The following LRRC4C variants were observed in gnomAD, a reference collection of about 807,000 sequenced individuals.
The protein encoded by LRRC4C is leucine rich repeat containing 4C.
Under a neutral mutation model 33.6 loss-of-function variants are expected in LRRC4C, and 5 were observed. The observed-to-expected ratio is 0.15, with a 90% confidence interval of 0.08 to 0.31. LRRC4C has a LOEUF of 0.31. LRRC4C is among the 10% of genes least tolerant of loss of function. The pLI, the probability that LRRC4C is intolerant of heterozygous loss-of-function variation, is 1.00. For synonymous variants in LRRC4C, 329 were observed against 302.0 expected (o/e 1.09, Z -0.93); for missense variants, 560 against 796.7 (o/e 0.70, Z 3.58).
At chr11:41,076,093 G>A (rs761271426) in intron 1 of LRRC4C, among the ~76,000 whole-genome samples, 3 of 151,962 alleles carry the variant, frequency 2.0e-5, no homozygotes, top group Admixed American at 6.6e-5. Flanking sequence ...AGATGATCTC[G>A]TCCAATCTCA....
At chr11:40,947,681 C>T (rs1370554991) in intron 1 of LRRC4C, among the ~76,000 whole-genome samples, 1 of 151,956 alleles carries the variant, frequency 6.6e-6, no homozygotes, top group East Asian at 1.9e-4. Flanking sequence ...GAGTGCTCTT[C>T]TCTCATTCTC....
Position 41,001,005 on chromosome 11 carries a change from C to T in LRRC4C, c.-495-67282G>A, listed in dbSNP as rs187991608. 9.9e-5 allele frequency among the ~76,000 whole-genome samples: 15 copies of T among 152,042 alleles called. No individual in the cohort carries two copies. The East Asian group carries it at 2.7e-3, about 27-fold the overall frequency. On this transcript the variant is annotated intron_variant, in intron 1 of 6. Coordinates refer to ENST00000528697, the MANE Select transcript of LRRC4C (RefSeq NM_001258419.2). Reference sequence around the variant, plus strand: ...TAAATATATGCCATCAGTTAATCAGCGTAGTAATCTAAAAGTATAGAAAAA... The same window carrying T: ...TAAATATATGCCATCAGTTAATCAGTGTAGTAATCTAAAAGTATAGAAAAA...
At chr11:40,910,161 G>C (rs1035024744) in intron 2 of LRRC4C, among the ~76,000 whole-genome samples, 4 of 152,142 alleles carry the variant, frequency 2.6e-5, no homozygotes, top group African/African-American at 9.6e-5. Flanking sequence ...CATAGATTTA[G>C]GATATACCTA....
intron 1 of LRRC4C, among the ~76,000 whole-genome samples, chr11:41,218,788 G>A (rs971892566): frequency 2.2e-5 from 2 of 92,424 alleles, no homozygotes; most frequent in African/African-American, 4.4e-5. Context: ...TTTTTTTTGA[G>A]ACGGAGTCTT....
intron 3 of LRRC4C, among the ~76,000 whole-genome samples, chr11:40,564,411 T>C (rs1957674137): frequency 6.6e-6 from 1 of 152,216 alleles, no homozygotes; most frequent in Non-Finnish European, 1.5e-5. Flanking sequence ...AGAGGACATG[T>C]AATTCATCCA....
Position 40,899,555 on chromosome 11 carries a change from T to C in LRRC4C, c.-407+34080A>G, listed in dbSNP as rs78518334. On this transcript the variant is annotated intron_variant, in intron 2 of 6. Coordinates refer to ENST00000528697, the MANE Select transcript of LRRC4C (RefSeq NM_001258419.2). ...CTGATTAAGGCCCCTTCTGATTATC[T>C]AGACAAAATTGAGCTTTTCCCAACA... Among the ~76,000 whole-genome samples, 15 of 152,330 alleles carry C rather than the reference T, an allele frequency of 9.8e-5. No individual in the cohort carries two copies. The East Asian group carries it at 2.7e-3, about 27-fold the overall frequency.
chr11:40,804,070 A>T (rs1192142578), intron 2 of LRRC4C, among the ~76,000 whole-genome samples: 6 of 152,118 alleles, frequency 3.9e-5, no homozygotes, highest in African/African-American at 1.2e-4. Flanking sequence ...TTATTATATA[A>T]ATGGTTTTCT....
At chr11:40,304,635 C>A (rs1449597553) in intron 4 of LRRC4C, among the ~76,000 whole-genome samples, 1 of 152,098 alleles carries the variant, frequency 6.6e-6, no homozygotes, top group African/African-American at 2.4e-5. Context: ...CATTCAAAGG[C>A]ATCTTATTAT....
chr11:41,163,301 T>TTTTTTTTTTTTTTC (rs71063903), intron 1 of LRRC4C, among the ~76,000 whole-genome samples: 5 of 140,594 alleles, frequency 3.6e-5, no homozygotes, highest in African/African-American at 2.6e-5. Flanking sequence ...TTTTTTTTTT[T>TTTTTTTTTTTTTTC]CAAACAGGGT....
intron 3 of LRRC4C, among the ~76,000 whole-genome samples, chr11:40,443,215 C>T (rs749020000): frequency 6.6e-6 from 1 of 152,054 alleles, no homozygotes; most frequent in Non-Finnish European, 1.5e-5. Context: ...GAGATTATAC[C>T]TTTTTGTCCT....
At chr11:40,322,806 G>T (rs943201607) in intron 3 of LRRC4C, among the ~76,000 whole-genome samples, 1 of 152,176 alleles carries the variant, frequency 6.6e-6, no homozygotes, top group Non-Finnish European at 1.5e-5. Flanking sequence ...TTTGCTCAGG[G>T]TCTGTCCCAG....
chr11:40,242,573 T>C (rs10837369), intron 4 of LRRC4C, among the ~76,000 whole-genome samples: 90,197 of 151,800 alleles, frequency 0.59, 29,340 homozygotes, highest in East Asian at 0.78. Context: ...TATGTAAAAG[T>C]GGGTACTGCC....
In LRRC4C at chr11:41,139,684, G is replaced by A. The variant is rs141553398; in HGVS notation, c.-495-205961C>T. 3.6e-3 allele frequency among the ~76,000 whole-genome samples: 513 copies of A among 143,244 alleles called. 6 individuals carry two copies. Among genetic ancestry groups the A allele is most frequent in the African/African-American group, 0.013 (485 of 38,724 alleles). The allele number at this position is 143,244 out of a possible 152,430, so 94.0% of individuals were successfully genotyped here. ...TCCAGGAAATGCTGTGGGTCAGAGTGAAGCCTTAGGTTAATACTTTTCAAT... is the reference window on the plus strand; with the variant it reads ...TCCAGGAAATGCTGTGGGTCAGAGTAAAGCCTTAGGTTAATACTTTTCAAT... On this transcript the variant is annotated intron_variant, in intron 1 of 6. Transcript: ENST00000528697.
intron 2 of LRRC4C, among the ~76,000 whole-genome samples, chr11:40,683,162 G>C (rs577392590): frequency 6.6e-6 from 1 of 152,102 alleles, no homozygotes; most frequent in Non-Finnish European, 1.5e-5. Flanking sequence ...AGCAGCAAAG[G>C]CTTGATGCGA....
chr11:40,621,859 T>C (rs1432972116), intron 3 of LRRC4C, among the ~76,000 whole-genome samples: 2 of 151,882 alleles, frequency 1.3e-5, no homozygotes, highest in Non-Finnish European at 2.9e-5. Context: ...AACAACTTTA[T>C]GATATAGGTA....
At chr11:40,359,573 TC>T (rs1479894445) in intron 3 of LRRC4C, among the ~76,000 whole-genome samples, 4 of 152,296 alleles carry the variant, frequency 2.6e-5, no homozygotes, top group Admixed American at 2.6e-4. Flanking sequence ...TATCTAAGGA[TC>T]CTTGCCTCCA....
At chr11:40,150,612 A>G (rs530821615) in intron 5 of LRRC4C, among the ~76,000 whole-genome samples, 3 of 151,952 alleles carry the variant, frequency 2.0e-5, no homozygotes, top group Non-Finnish European at 4.4e-5. Flanking sequence ...AATTTTTTTA[A>G]TTTTTAATTT....
At chr11:40,743,501 A>G (rs577637379) in intron 2 of LRRC4C, among the ~76,000 whole-genome samples, 30 of 152,174 alleles carry the variant, frequency 2.0e-4, no homozygotes, top group African/African-American at 6.7e-4. Context: ...TGCCTATTCC[A>G]GCTTATAGAG....
chr11:41,387,000 T>C (rs1023906220), intron 1 of LRRC4C, among the ~76,000 whole-genome samples: 2 of 151,834 alleles, frequency 1.3e-5, no homozygotes, highest in African/African-American at 4.8e-5. Flanking sequence ...TCATTTCCTG[T>C]AAATTCCCAG....
Sources: allele counts gnomAD v4.1 joint callset (sites outside exome capture counted in the v4.1 genomes callset), GRCh38; gene constraint gnomAD v4.1.1; transcripts MANE v1.5; gene names NCBI Gene and HGNC (gene_info 2026-07-23, HGNC 2026-07-21).